The following DLGAP2 variants were observed in gnomAD, a reference collection of about 807,000 sequenced individuals.
The protein encoded by DLGAP2 is disks large-associated protein 2.
DLGAP2 carries 26 observed loss-of-function variants against 100.3 expected under a neutral mutation model. The observed-to-expected ratio is 0.26, with a 90% CI of 0.19 to 0.36. DLGAP2 has a LOEUF of 0.36. Among genes scored for constraint, DLGAP2 ranks in the 10% least tolerant of loss-of-function variants. DLGAP2 has a pLI of 1.00. For synonymous variants in DLGAP2, 886 were observed against 630.1 expected (o/e 1.41, Z -6.08); for missense variants, 1,858 against 1,453.2 (o/e 1.28, Z -4.53).
At chr8:1,594,497 A>C (rs1796387771) in intron 6 of DLGAP2, among the ~76,000 whole-genome samples, 1 of 152,162 alleles carries the variant, frequency 6.6e-6, no homozygotes, top group Non-Finnish European at 1.5e-5. Context: ...AACAGAAGAA[A>C]GCATCGGTGA....
rs148706068 is a variant in DLGAP2 at position 1,661,289 on chromosome 8, G to A, written c.1811-7040G>A. ...GGTGGGGGCTGCAGACCTGTGTGGTGCATGACCACCTGTTCTCCATGGCCT... is the reference window on the plus strand; with the variant it reads ...GGTGGGGGCTGCAGACCTGTGTGGTACATGACCACCTGTTCTCCATGGCCT... On this transcript the variant is annotated intron_variant, in intron 8 of 14. Coordinates refer to ENST00000637795, the MANE Select transcript of DLGAP2 (RefSeq NM_001346810.2). Among the ~76,000 whole-genome samples, 844 of 152,316 alleles carry A rather than the reference G, an allele frequency of 5.5e-3. 9 individuals are homozygous for A. Among genetic ancestry groups the A allele is most frequent in the African/African-American group, 0.019 (782 of 41,564 alleles).
chr8:1,581,538 A>C (rs1011483582), intron 6 of DLGAP2, among the ~76,000 whole-genome samples: 3 of 151,760 alleles, frequency 2.0e-5, no homozygotes, highest in African/African-American at 7.3e-5. Context: ...ACACATCTAC[A>C]CACCACAGTC....
At chr8:1,115,454 G>A (rs147588764) in intron 2 of DLGAP2, among the ~76,000 whole-genome samples, 2 of 152,290 alleles carry the variant, frequency 1.3e-5, no homozygotes, top group East Asian at 1.9e-4. Flanking sequence ...TAACCACGGG[G>A]AATAACTTTT....
intron 8 of DLGAP2, among the ~76,000 whole-genome samples, chr8:1,667,468 C>G (rs1186837963): frequency 6.6e-6 from 1 of 152,124 alleles, no homozygotes; most frequent in Non-Finnish European, 1.5e-5. Flanking sequence ...TAGAGCTGGC[C>G]CCTTTCCGGT....
intron 2 of DLGAP2, among the ~76,000 whole-genome samples, chr8:1,131,343 T>G (rs1483930555): frequency 6.6e-6 from 1 of 152,172 alleles, no homozygotes; most frequent in Non-Finnish European, 1.5e-5. Flanking sequence ...CTGTTCTGGA[T>G]ACTCCAGATC....
chr8:1,671,129 C>G (rs1031778093), intron 10 of DLGAP2, among the ~76,000 whole-genome samples: 1 of 152,218 alleles, frequency 6.6e-6, no homozygotes, highest in Non-Finnish European at 1.5e-5. Context: ...GGCTCACGGC[C>G]AAGGCCATGA....
At chr8:1,586,301 T>C (rs1310590242) in intron 6 of DLGAP2, among the ~76,000 whole-genome samples, 1 of 152,200 alleles carries the variant, frequency 6.6e-6, no homozygotes, top group Non-Finnish European at 1.5e-5. Flanking sequence ...CGTGTCCTTG[T>C]TGTCAGCTGA....
At chr8:823,977 A>G (rs1796636542) in intron 1 of DLGAP2, among the ~76,000 whole-genome samples, 1 of 152,064 alleles carries the variant, frequency 6.6e-6, no homozygotes, top group South Asian at 2.1e-4. Context: ...TTGCAATCAC[A>G]TTTGTCACGT....
At chr8:1,468,093 C>A (rs189235253) in intron 3 of DLGAP2, among the ~76,000 whole-genome samples, 3 of 152,226 alleles carry the variant, frequency 2.0e-5, no homozygotes, top group African/African-American at 7.2e-5. Flanking sequence ...AAATCACTTG[C>A]CAAAGACGTG....
intron 2 of DLGAP2, among the ~76,000 whole-genome samples, chr8:946,923 G>A (rs116536859): frequency 8.5e-5 from 13 of 152,272 alleles, no homozygotes; most frequent in South Asian, 2.1e-4. Context: ...GCCACCGGCC[G>A]CCCTGTCCTG....
intron 3 of DLGAP2, among the ~76,000 whole-genome samples, chr8:1,392,879 T>A (rs1428698059): frequency 1.4e-5 from 2 of 144,852 alleles, no homozygotes; most frequent in African/African-American, 5.2e-5. Context: ...TTGTTAAATG[T>A]GACGTTTCTG....
At chr8:1,101,907 G>A (rs1475562438) in intron 2 of DLGAP2, among the ~76,000 whole-genome samples, 1 of 151,940 alleles carries the variant, frequency 6.6e-6, no homozygotes, top group Non-Finnish European at 1.5e-5. Flanking sequence ...ACACGATGAT[G>A]GGAAGGTCCT....
rs756698008 is a variant in DLGAP2 at position 1,565,849 on chromosome 8, C to A, written c.1397C>A (p.Pro466Gln). 6.2e-7 allele frequency: 1 copy of A among 1,612,738 alleles called. No individual in the cohort carries two copies. Among genetic ancestry groups the A allele is most frequent in the Non-Finnish European group, 8.5e-7 (1 of 1,179,332 alleles). Residue 466 changes from proline (P) to glutamine (Q), a missense_variant, in exon 6 of 15, where the codon CCG becomes CAG. Pro to Gln is a moderately conservative substitution (Grantham distance 76). Transcript: ENST00000637795. ...TSPKSAILPEPLLKSIGQRPL... is the reference protein window; with the variant it reads ...TSPKSAILPEQLLKSIGQRPL... ...CCAAAGTCGGCAATCCTACCAGAGC[C>A]GCTGCTGAAGTCCATCGGACAGAGA...
Position 1,583,761 on chromosome 8 carries a change from A to T in DLGAP2, c.1442+17867A>T, listed in dbSNP as rs540726024. ...CTCCAAGTCCTGCCTCTCACATCAAAGGCTGATCTCACGTCTCAGCTTTCT... is the reference window on the plus strand; with the variant it reads ...CTCCAAGTCCTGCCTCTCACATCAATGGCTGATCTCACGTCTCAGCTTTCT... On this transcript the variant is annotated intron_variant, in intron 6 of 14. Transcript: ENST00000637795. 7.2e-5 allele frequency among the ~76,000 whole-genome samples: 11 copies of T among 152,150 alleles called. No individual in the cohort carries two copies. In the South Asian group the frequency reaches 2.3e-3, roughly 32 times the overall value.
At chr8:1,280,816 A>T (rs1012171882) in intron 3 of DLGAP2, among the ~76,000 whole-genome samples, 4 of 152,120 alleles carry the variant, frequency 2.6e-5, no homozygotes, top group Non-Finnish European at 5.9e-5. Flanking sequence ...TAATGGGGAG[A>T]TTCTTAAATG....
intron 3 of DLGAP2, among the ~76,000 whole-genome samples, chr8:1,273,478 C>T (rs374959673): frequency 1.1e-3 from 160 of 152,284 alleles, no homozygotes; most frequent in Non-Finnish European, 1.2e-3. Context: ...GTTTTATGCT[C>T]AAGATGGATG....
intron 1 of DLGAP2, among the ~76,000 whole-genome samples, chr8:839,164 A>T (rs951330184): frequency 6.6e-6 from 1 of 152,160 alleles, no homozygotes; most frequent in Non-Finnish European, 1.5e-5. Context: ...GCAATTATGA[A>T]AACAGTATGC....
intron 3 of DLGAP2, among the ~76,000 whole-genome samples, chr8:1,333,194 C>G (rs1801197618): frequency 6.6e-6 from 1 of 152,192 alleles, no homozygotes; most frequent in Non-Finnish European, 1.5e-5. Flanking sequence ...AGACTGTCTT[C>G]TGGCACATTA....
chr8:1,100,278 A>T (rs1158664258), intron 2 of DLGAP2, among the ~76,000 whole-genome samples: 1 of 151,510 alleles, frequency 6.6e-6, no homozygotes, highest in Non-Finnish European at 1.5e-5. Flanking sequence ...ACCTTTGTCC[A>T]GCATGTCCAC....
Sources: allele counts gnomAD v4.1 joint callset (sites outside exome capture counted in the v4.1 genomes callset), GRCh38; gene constraint gnomAD v4.1.1; transcripts MANE v1.5; gene names NCBI Gene and HGNC (gene_info 2026-07-23, HGNC 2026-07-21).